Variants in KLHDC7A observed in about 807,000 individuals in gnomAD.
KLHDC7A encodes kelch domain containing 7A.
For missense variants in KLHDC7A, 1,123 were observed against 1,052.6 expected (o/e 1.07, Z -0.93); for synonymous variants, 464 against 461.0 (o/e 1.01, Z -0.08).
In KLHDC7A at chr1:18,482,922, G is replaced by C. The variant is rs780170088; in HGVS notation, c.1941G>C (p.Leu647=). ...FVTGGSLRFL[L]FRFSAQEQRW... is the part of the protein sequence containing the mutation. ...CCGGCGGCTCGCTGCGCTTCCTGCT[G>C]TTCCGCTTCTCTGCGCAGGAGCAGC... The change falls in exon 1 of 1, where the codon CTG becomes CTC. Residue 647 remains leucine, a synonymous_variant. Coordinates refer to ENST00000400664, the MANE Select transcript of KLHDC7A (RefSeq NM_152375.3). The C allele has an allele frequency of 6.2e-7, 1 of 1,611,016 alleles. No homozygotes were observed. Among genetic ancestry groups the C allele is most frequent in the Non-Finnish European group, 8.5e-7 (1 of 1,179,430 alleles).
Position 18,482,864 on chromosome 1 carries a change from C to G in KLHDC7A, c.1883C>G (p.Thr628Arg), listed in dbSNP as rs541906564. 16 of 1,611,662 alleles carry G rather than the reference C, an allele frequency of 9.9e-6. No individual in the cohort carries two copies. The highest frequency in any genetic ancestry group is 1.3e-5 in the Non-Finnish European group (15 of 1,179,656). Residue 628 changes from threonine to arginine, a missense_variant, in exon 1 of 1, where the codon ACG (threonine) becomes AGG (arginine). Transcript: ENST00000400664. ...LPSDTFALAH[T>R]ATVRAKEIFV... ...AGTGACACGTTCGCCCTGGCGCACA[C>G]GGCCACGGTGCGTGCCAAGGAAATC...
chr1:18,481,796 AGCATTTCATACAGAAGGCGGAG>A lies in KLHDC7A; in HGVS notation c.817_838del (p.His273GlyfsTer34). 1.2e-6 allele frequency: 2 copies of A among 1,614,160 alleles called. No homozygotes were observed. The highest frequency in any genetic ancestry group is 1.7e-6 in the Non-Finnish European group (2 of 1,180,030). Reference sequence around the variant, plus strand: ...TCCATAGCCCGCGTCCGAATGGAGGAGCATTTCATACAGAAGGCGGAGGGGGTTGAGCCCCGGCTCAAGGGCA... The same window carrying A: ...TCCATAGCCCGCGTCCGAATGGAGGAGGGGTTGAGCCCCGGCTCAAGGGCA... On this transcript the variant is annotated frameshift_variant, in exon 1 of 1. Transcript: ENST00000400664. LOFTEE classifies it low-confidence loss of function (END_TRUNC).
At position 18,483,162 on chromosome 1, in the gene KLHDC7A, C is replaced by T. The variant is rs775627865; in HGVS notation, c.2181C>T (p.Cys727=). The stretch of plus-strand genomic sequence containing the variant: ...CCGTGGTGGACAACCTCATCTACTG[C>T]GTGGGACGCCGGAGCACCCTCTGCT... The part of the protein sequence containing the change: ...QCAVVDNLIY[C]VGRRSTLCFL... Residue 727 remains cysteine (C), a synonymous_variant, in exon 1 of 1, where the codon TGC becomes TGT. Coordinates refer to ENST00000400664, the MANE Select transcript of KLHDC7A (RefSeq NM_152375.3). 1.1e-5 allele frequency: 18 copies of T among 1,613,944 alleles called. No homozygotes were observed. Among genetic ancestry groups the T allele is most frequent in the African/African-American group, 6.7e-5 (5 of 74,942 alleles).
chr1:18,481,646 G>T lies in KLHDC7A; in HGVS notation c.665G>T (p.Ser222Ile). The T allele has an allele frequency of 6.2e-7, 1 of 1,614,114 alleles. No individual in the cohort carries two copies. Among genetic ancestry groups the T allele is most frequent in the Non-Finnish European group, 8.5e-7 (1 of 1,180,032 alleles). Residue 222 changes from serine (S) to isoleucine (I), a missense_variant, in exon 1 of 1, where the codon AGC becomes ATC. By Grantham distance (142) the Ser-to-Ile change is moderately radical (BLOSUM62 -2). Coordinates refer to ENST00000400664, the MANE Select transcript of KLHDC7A (RefSeq NM_152375.3). ...PLQGSSDMNQSWVFTRVIGVS... is the reference protein window; with the variant it reads ...PLQGSSDMNQIWVFTRVIGVS... ...CAAGGCAGCAGTGACATGAACCAGAGCTGGGTCTTCACCCGTGTGATAGGG... is the reference window on the plus strand; with the variant it reads ...CAAGGCAGCAGTGACATGAACCAGATCTGGGTCTTCACCCGTGTGATAGGG...
rs1006473946 is a variant in KLHDC7A at position 18,484,923 on chromosome 1, G to A, written c.*1608G>A. 10 of 167,002 alleles carry A rather than the reference G, an allele frequency of 6.0e-5. No homozygotes were observed. The highest frequency in any genetic ancestry group is 2.0e-4 in the Admixed American group (3 of 15,276). The allele number at this position is 167,002 out of a possible 1,614,324, so 10.3% of individuals were successfully genotyped here. A position where few individuals can be genotyped will look rare whatever the true frequency, so the allele number is the denominator to read the frequency against. On this transcript the variant is annotated 3_prime_UTR_variant, in exon 1 of 1. Coordinates refer to ENST00000400664, the MANE Select transcript of KLHDC7A (RefSeq NM_152375.3). The stretch of plus-strand genomic sequence containing the variant: ...ACCCCACTTCCCTGGCCTGGGCCTC[G>A]AAAGATGAAGCAACTGAATTTATTC...
In KLHDC7A at chr1:18,483,973, T is replaced by G. The variant is rs2086917779; in HGVS notation, c.*658T>G. The G allele has an allele frequency of 7.7e-7, 1 of 1,304,058 alleles. No individual in the cohort carries two copies. The highest frequency in any genetic ancestry group is 1.0e-6 in the Non-Finnish European group (1 of 988,944). 80.8% of individuals were successfully genotyped at this position (1,304,058 alleles called of 1,614,324 possible). On this transcript the variant is annotated 3_prime_UTR_variant, in exon 1 of 1. Transcript: ENST00000400664. Reference sequence around the variant, plus strand: ...GAAAATATACCAAAGCCCACATTACTTTTCTCCTTATTGGAAGAAAGAGAA... The same window carrying G: ...GAAAATATACCAAAGCCCACATTACGTTTCTCCTTATTGGAAGAAAGAGAA...
Position 18,482,867 on chromosome 1 carries a change from C to A in KLHDC7A, c.1886C>A (p.Ala629Asp). The change falls in exon 1 of 1, where the codon GCC (alanine) becomes GAC (aspartate). Residue 629 changes from alanine (A) to aspartate (D), a missense_variant. Ala to Asp is a moderately radical substitution (Grantham distance 126, BLOSUM62 -2). Transcript: ENST00000400664. ...PSDTFALAHT[A>D]TVRAKEIFVT... ...GACACGTTCGCCCTGGCGCACACGG[C>A]CACGGTGCGTGCCAAGGAAATCTTC... The A allele has an allele frequency of 6.2e-7, 1 of 1,611,740 alleles. No homozygotes were observed. The highest frequency in any genetic ancestry group is 8.5e-7 in the Non-Finnish European group (1 of 1,179,676).
chr1:18,482,768 G>T lies in KLHDC7A; in HGVS notation c.1787G>T (p.Gly596Val). 1.9e-6 allele frequency: 3 copies of T among 1,610,352 alleles called. No homozygotes were observed. The highest frequency in any genetic ancestry group is 2.5e-6 in the Non-Finnish European group (3 of 1,179,164). Residue 596 changes from glycine (G) to valine (V), a missense_variant, in exon 1 of 1, where the codon GGA (glycine) becomes GTA (valine). Gly to Val is a moderately radical substitution (Grantham distance 109, BLOSUM62 -3). Transcript: ENST00000400664. ...ALDGHLYAIGGECLNSVERYD... is the reference protein window; with the variant it reads ...ALDGHLYAIGVECLNSVERYD... ...GACGGGCACCTGTATGCCATCGGCGGAGAGTGTCTGAACTCGGTGGAGCGT... is the reference window on the plus strand; with the variant it reads ...GACGGGCACCTGTATGCCATCGGCGTAGAGTGTCTGAACTCGGTGGAGCGT...
chr1:18,483,341 C>A lies in KLHDC7A; in HGVS notation c.*26C>A, dbSNP rs1321228262. The A allele has an allele frequency of 1.9e-6, 3 of 1,595,996 alleles. No homozygotes were observed. The highest frequency in any genetic ancestry group is 2.6e-6 in the Non-Finnish European group (3 of 1,169,072). On this transcript the variant is annotated 3_prime_UTR_variant, in exon 1 of 1. Transcript: ENST00000400664. ...CAGTCCCTCAACTGAGCTCCTCATG[C>A]AAAGCTGGGGGCCACCGGGCTCCAC...
Position 18,481,037 on chromosome 1 carries a change from G to A in KLHDC7A, c.56G>A (p.Gly19Asp). ...QDWHLDMQLTGKVVLSAAALL... is the reference protein window; with the variant it reads ...QDWHLDMQLTDKVVLSAAALL... Reference sequence around the variant, plus strand: ...TGGCATTTGGATATGCAGCTGACCGGCAAGGTGGTGCTGTCAGCCGCTGCC... The same window carrying A: ...TGGCATTTGGATATGCAGCTGACCGACAAGGTGGTGCTGTCAGCCGCTGCC... The change falls in exon 1 of 1, where the codon GGC (glycine) becomes GAC (aspartate). Residue 19 changes from glycine to aspartate, a missense_variant. By Grantham distance (94) the Gly-to-Asp change is moderately conservative. Coordinates refer to ENST00000400664, the MANE Select transcript of KLHDC7A (RefSeq NM_152375.3). The A allele has an allele frequency of 6.2e-7, 1 of 1,612,772 alleles. No individual in the cohort carries two copies. The highest frequency in any genetic ancestry group is 8.5e-7 in the Non-Finnish European group (1 of 1,179,328).
Position 18,482,483 on chromosome 1 carries a change from C to T in KLHDC7A, c.1502C>T (p.Pro501Leu). The T allele has an allele frequency of 6.2e-7, 1 of 1,611,600 alleles. No homozygotes were observed. Among genetic ancestry groups the T allele is most frequent in the Non-Finnish European group, 8.5e-7 (1 of 1,179,912 alleles). The change falls in exon 1 of 1, where the codon CCC becomes CTC. Residue 501 changes from proline (P) to leucine (L), a missense_variant. Coordinates refer to ENST00000400664, the MANE Select transcript of KLHDC7A (RefSeq NM_152375.3). Reference sequence around the variant, plus strand: ...TACCTGGTGGTGGCTGACGTGTGCCCCAAGGAAGACTCCGGCGGCCTCTGT... The same window carrying T: ...TACCTGGTGGTGGCTGACGTGTGCCTCAAGGAAGACTCCGGCGGCCTCTGT... ...RQYLVVADVC[P>L]KEDSGGLCCY... is the part of the protein sequence containing the mutation.
Position 18,482,462 on chromosome 1 carries a change from T to C in KLHDC7A, c.1481T>C (p.Leu494Pro), listed in dbSNP as rs1203348821. The C allele has an allele frequency of 6.2e-7, 1 of 1,611,138 alleles. No individual in the cohort carries two copies. Among genetic ancestry groups the C allele is most frequent in the South Asian group, 1.1e-5 (1 of 91,048 alleles). Residue 494 changes from leucine (L) to proline (P), a missense_variant, in exon 1 of 1, where the codon CTG becomes CCG. By Grantham distance (98) the Leu-to-Pro change is moderately conservative. Coordinates refer to ENST00000400664, the MANE Select transcript of KLHDC7A (RefSeq NM_152375.3). ...CGCCGGCTCCGGGGCCGCCAGTACC[T>C]GGTGGTGGCTGACGTGTGCCCCAAG... The part of the protein sequence containing the change: ...LQRRLRGRQY[L>P]VVADVCPKED...
rs1439324896 is a variant in KLHDC7A, at chr1:18,485,490, C to T, written c.*2175C>T. ...AAGAGGAGTACACAGTCCATCTGATCCACCTCTCTTATGGTTCCATTGGCA... is the reference window on the plus strand; with the variant it reads ...AAGAGGAGTACACAGTCCATCTGATTCACCTCTCTTATGGTTCCATTGGCA... On this transcript the variant is annotated 3_prime_UTR_variant, in exon 1 of 1. Transcript: ENST00000400664. The T allele has an allele frequency of 6.1e-6, 1 of 163,814 alleles. No homozygotes were observed. 10.1% of individuals were successfully genotyped at this position (163,814 alleles called of 1,614,324 possible). A position where few individuals can be genotyped will look rare whatever the true frequency, so the allele number is the denominator to read the frequency against.
In KLHDC7A at chr1:18,481,114, G is replaced by A. The variant is rs1478201539; in HGVS notation, c.133G>A (p.Ala45Thr). ...GCTGTACAAGTCGAGGCCTGCCCCAGCCCAGCGGTGGGGTGGGAATGGCCA... is the reference window on the plus strand; with the variant it reads ...GCTGTACAAGTCGAGGCCTGCCCCAACCCAGCGGTGGGGTGGGAATGGCCA... ...YRLYKSRPAP[A>T]QRWGGNGQAE... Residue 45 changes from alanine (A) to threonine (T), a missense_variant, in exon 1 of 1, where the codon GCC becomes ACC. By Grantham distance (58) the Ala-to-Thr change is moderately conservative. Coordinates refer to ENST00000400664, the MANE Select transcript of KLHDC7A (RefSeq NM_152375.3). 6.2e-6 allele frequency: 10 copies of A among 1,613,702 alleles called. No homozygotes were observed. The highest frequency in any genetic ancestry group is 3.3e-5 in the South Asian group (3 of 91,068).
In KLHDC7A at chr1:18,481,994, A is replaced by G. The variant is rs755970229; in HGVS notation, c.1013A>G (p.Asp338Gly). 12 of 1,612,934 alleles carry G rather than the reference A, an allele frequency of 7.4e-6. No homozygotes were observed. Among genetic ancestry groups the G allele is most frequent in the Non-Finnish European group, 1.0e-5 (12 of 1,179,980 alleles). Residue 338 changes from aspartate (D) to glycine (G), a missense_variant, in exon 1 of 1, where the codon GAC (aspartate) becomes GGC (glycine). By Grantham distance (94) the Asp-to-Gly change is moderately conservative. Transcript: ENST00000400664. Reference sequence around the variant, plus strand: ...GCTGCCTCGGGAGGCCAAGCCGGTGACACAAAGGGTGCAGCCGAAAGAGCC... The same window carrying G: ...GCTGCCTCGGGAGGCCAAGCCGGTGGCACAAAGGGTGCAGCCGAAAGAGCC... ...TGAASGGQAG[D>G]TKGAAERAAS...
Position 18,483,432 on chromosome 1 carries a change from G to A in KLHDC7A, c.*117G>A. The A allele has an allele frequency of 6.6e-7, 1 of 1,506,376 alleles. No homozygotes were observed. The highest frequency in any genetic ancestry group is 8.9e-7 in the Non-Finnish European group (1 of 1,128,914). The allele number at this position is 1,506,376 out of a possible 1,614,324, so 93.3% of individuals were successfully genotyped here. A position where few individuals can be genotyped will look rare whatever the true frequency, so the allele number is the denominator to read the frequency against. On this transcript the variant is annotated 3_prime_UTR_variant, in exon 1 of 1. Coordinates refer to ENST00000400664, the MANE Select transcript of KLHDC7A (RefSeq NM_152375.3). ...CAACCCAGGAATGTGGCCATCAAGA[G>A]GTGAATTCCGGTCCTTTCTCCTCCC... is the stretch of plus-strand genomic sequence containing the variant.
At position 18,483,823 on chromosome 1, in the gene KLHDC7A, G is replaced by A. The variant is rs1454266478; in HGVS notation, c.*508G>A. Reference sequence around the variant, plus strand: ...GGACACACAGGTGGGAAAGATGGAGGCAGGTGACTTGGGCAGGGCCAGGAA... The same window carrying A: ...GGACACACAGGTGGGAAAGATGGAGACAGGTGACTTGGGCAGGGCCAGGAA... On this transcript the variant is annotated 3_prime_UTR_variant, in exon 1 of 1. Transcript: ENST00000400664. The A allele has an allele frequency of 2.5e-6, 3 of 1,222,944 alleles. No individual in the cohort carries two copies. Among genetic ancestry groups the A allele is most frequent in the African/African-American group, 3.2e-5 (2 of 62,988 alleles). 75.8% of individuals were successfully genotyped at this position (1,222,944 alleles called of 1,614,324 possible).
At position 18,484,578 on chromosome 1, in the gene KLHDC7A, T is replaced by A. The variant is rs2100262712; in HGVS notation, c.*1263T>A. On this transcript the variant is annotated 3_prime_UTR_variant, in exon 1 of 1. Coordinates refer to ENST00000400664, the MANE Select transcript of KLHDC7A (RefSeq NM_152375.3). ...AAAATAAGGATGCTTTGGACCTCAG[T>A]GTCCTTGTCTTGAAAATGGGAAGGA... 1.2e-5 allele frequency: 2 copies of A among 167,728 alleles called. No homozygotes were observed. The highest frequency in any genetic ancestry group is 4.1e-4 in the South Asian group (2 of 4,842). The allele number at this position is 167,728 out of a possible 1,614,324, so 10.4% of individuals were successfully genotyped here.
rs927164275 is a variant in KLHDC7A, at chr1:18,484,353, C to T, written c.*1038C>T. On this transcript the variant is annotated 3_prime_UTR_variant, in exon 1 of 1. Transcript: ENST00000400664. Reference sequence around the variant, plus strand: ...CTTTCACATCTGGTTTGATAAACTCCGAATGAAGGAGACCCCCAGCCTCAG... The same window carrying T: ...CTTTCACATCTGGTTTGATAAACTCTGAATGAAGGAGACCCCCAGCCTCAG... 1.0e-5 allele frequency: 3 copies of T among 286,212 alleles called. No individual in the cohort carries two copies. Among genetic ancestry groups the T allele is most frequent in the East Asian group, 9.5e-5 (1 of 10,580 alleles). 17.7% of individuals were successfully genotyped at this position (286,212 alleles called of 1,614,324 possible). A position where few individuals can be genotyped will look rare whatever the true frequency, so the allele number is the denominator to read the frequency against.
Sources: allele counts gnomAD v4.1 joint callset, GRCh38; gene constraint gnomAD v4.1.1; transcripts MANE v1.5; gene names NCBI Gene and HGNC (gene_info 2026-07-23, HGNC 2026-07-21).